The following INPP4A variants were observed in gnomAD, a reference collection of about 807,000 sequenced individuals.
INPP4A encodes the protein inositol polyphosphate-4-phosphatase, type I, 107kD.
A neutral mutation model predicts 119.8 loss-of-function variants in INPP4A; 33 were observed. The observed-to-expected ratio is 0.28, with a 90% CI of 0.21 to 0.37. The LOEUF is 0.37. INPP4A is among the 10% of genes least tolerant of loss of function. The pLI is 1.00. For synonymous variants in INPP4A, 496 were observed against 500.7 expected, an observed-to-expected ratio of 0.99 and a Z score of 0.12; for missense variants, 956 against 1,289.9, an observed-to-expected ratio of 0.74 and a Z score of 3.97.
At chr2:98,587,336 G>C in intron 24 of INPP4A, 140 bp from the exon 25 acceptor site, 1 of 857,192 alleles carries the variant, frequency 1.2e-6, no homozygotes, top group Non-Finnish European at 1.7e-6. Context: ...ATATGTATTT[G>C]TTGTAAATGA....
intron 1 of INPP4A, among the ~76,000 whole-genome samples, chr2:98,508,619 T>C (rs1386204899): frequency 2.6e-5 from 4 of 152,160 alleles, no homozygotes; most frequent in Admixed American, 2.0e-4. Flanking sequence ...CATACACTTA[T>C]TCAGAAATTT....
intron 21 of INPP4A, among the ~76,000 whole-genome samples, chr2:98,568,239 A>C (rs1173830716): frequency 6.6e-6 from 1 of 152,054 alleles, no homozygotes; most frequent in African/African-American, 2.4e-5. Flanking sequence ...CCCCCTCCTA[A>C]GTGCCTCAGA....
chr2:98,538,243 G>GCCCT (rs1458582872), intron 8 of INPP4A, among the ~76,000 whole-genome samples: 1 of 152,228 alleles, frequency 6.6e-6, no homozygotes, highest in Non-Finnish European at 1.5e-5. Flanking sequence ...GTGGGAAAGA[G>GCCCT]CCCTACTGGA....
rs1413047925 is a variant in INPP4A at position 98,563,610 on chromosome 2, C to G, written c.2001C>G (p.Tyr667Ter). ...PTIATYLSLQ[Y>*]RRDVVFCQTL... ...TAGCCACCTACCTGAGCCTGCAGTA[C>G]CGCCGTGACGTGGTCTTCTGCCAGA... The change falls in exon 18 of 25, where the codon TAC becomes TAG. Residue 667 changes from tyrosine (Y) to a stop codon, truncating the protein, a stop_gained. Transcript: ENST00000409851. LOFTEE classifies it high-confidence loss of function. 1 of 1,613,188 alleles carries G rather than the reference C, an allele frequency of 6.2e-7. No individual in the cohort carries two copies.
chr2:98,500,868 T>C (rs1423137856), intron 1 of INPP4A, among the ~76,000 whole-genome samples: 1 of 152,238 alleles, frequency 6.6e-6, no homozygotes, highest in Non-Finnish European at 1.5e-5. Flanking sequence ...TTCAGGAACC[T>C]GACTCTAGTT....
intron 4 of INPP4A, among the ~76,000 whole-genome samples, chr2:98,531,802 A>G (rs1452412558): frequency 6.6e-6 from 1 of 152,248 alleles, no homozygotes; most frequent in Non-Finnish European, 1.5e-5. Context: ...CACCACACTT[A>G]CAGTATAAAC....
Position 98,572,858 on chromosome 2 carries a change from G to T in INPP4A, c.2562G>T (p.Leu854=), listed in dbSNP as rs754102667. The change falls in exon 23 of 25, where the codon CTG becomes CTT. Residue 854 remains leucine, a synonymous_variant. Transcript: ENST00000409851. ...SRSQTCLPEL[L]RFLGQNVHAR... ...GTCAGACGTGCCTGCCAGAGCTGCTGCGGTTTCTGGGTCAGAACGTGCATG... is the reference window on the plus strand; with the variant it reads ...GTCAGACGTGCCTGCCAGAGCTGCTTCGGTTTCTGGGTCAGAACGTGCATG... 2 of 1,576,402 alleles carry T rather than the reference G, an allele frequency of 1.3e-6. No homozygotes were observed. The highest frequency in any genetic ancestry group is 3.6e-5 in the Admixed American group (2 of 55,118).
rs140232316 is a variant in INPP4A, at chr2:98,557,886, G to A, written c.1823-1577G>A. Among the ~76,000 whole-genome samples the A allele has an allele frequency of 5.2e-3, 764 of 147,104 alleles. 12 individuals carry two copies. Among genetic ancestry groups the A allele is most frequent in the African/African-American group, 0.018 (729 of 39,644 alleles). The stretch of plus-strand genomic sequence containing the variant: ...CCGCCTGCCAAGGTGCACCACTATC[G>A]CCCCACCAGGATTTGGTGGCTTCCA... On this transcript the variant is annotated intron_variant, in intron 16 of 24. Coordinates refer to ENST00000409851, the MANE Select transcript of INPP4A (RefSeq NM_001134225.2).
intron 1 of INPP4A, among the ~76,000 whole-genome samples, chr2:98,485,400 G>T (rs1679330790): frequency 6.6e-6 from 1 of 152,248 alleles, no homozygotes; most frequent in South Asian, 2.1e-4. Flanking sequence ...TTTAGTTAAG[G>T]TATCTGTGGG....
intron 13 of INPP4A, chr2:98,549,115 C>A: frequency 1.5e-6 from 1 of 648,958 alleles, no homozygotes; most frequent in Non-Finnish European, 2.6e-6. Flanking sequence ...ACAGTCCTCC[C>A]TTCCAACTGC....
intron 1 of INPP4A, among the ~76,000 whole-genome samples, chr2:98,479,063 G>A (rs773619112): frequency 2.6e-5 from 4 of 152,074 alleles, no homozygotes; most frequent in Non-Finnish European, 4.4e-5. Flanking sequence ...ACTTCCTCCC[G>A]GCTCCTGGGT....
chr2:98,566,760 C>T lies in INPP4A; in HGVS notation c.2420+591C>T, dbSNP rs562093959. On this transcript the variant is annotated intron_variant, in intron 21 of 24. Transcript: ENST00000409851. The surrounding 1 kb of genome is among the most constrained non-coding windows in gnomAD (Gnocchi z 4.2). The stretch of plus-strand genomic sequence containing the variant: ...GGAGTTGTGTGTGCCTGTGTGTGCA[C>T]GTGTGCCTGTGTGCGCACATGTGTG... 1.3e-5 allele frequency among the ~76,000 whole-genome samples: 2 copies of T among 152,162 alleles called. No homozygotes were observed. Among genetic ancestry groups the T allele is most frequent in the South Asian group, 2.1e-4 (1 of 4,818 alleles).
chr2:98,445,871 G>C (rs915747478), intron 1 of INPP4A, among the ~76,000 whole-genome samples: 1 of 152,212 alleles, frequency 6.6e-6, no homozygotes, highest in Admixed American at 6.5e-5. Flanking sequence ...ATATGTGGTA[G>C]AGCCCATCTT....
Position 98,559,553 on chromosome 2 carries a change from T to C in INPP4A, c.1855+58T>C. On this transcript the variant is annotated intron_variant, in intron 17 of 24. Transcript: ENST00000409851. ...GCCCTTTTAATTGATACTCAGGTAGTGTTTTGTAGCTAAATTACAAAAGAT... is the reference window on the plus strand; with the variant it reads ...GCCCTTTTAATTGATACTCAGGTAGCGTTTTGTAGCTAAATTACAAAAGAT... 2.6e-6 allele frequency: 4 copies of C among 1,536,146 alleles called. No homozygotes were observed. The South Asian group carries it at 3.5e-5, about 13-fold the overall frequency.
intron 17 of INPP4A, among the ~76,000 whole-genome samples, chr2:98,562,869 G>A (rs1435141233): frequency 6.6e-6 from 1 of 152,070 alleles, no homozygotes; most frequent in Non-Finnish European, 1.5e-5. Flanking sequence ...GGGTGGGGAA[G>A]GAAGTGAGTG....
intron 1 of INPP4A, among the ~76,000 whole-genome samples, chr2:98,496,997 C>T (rs1682114502): frequency 6.6e-6 from 1 of 152,138 alleles, no homozygotes; most frequent in Non-Finnish European, 1.5e-5. Flanking sequence ...AGCTCTTTTC[C>T]ACCCTACTCT....
intron 24 of INPP4A, among the ~76,000 whole-genome samples, chr2:98,580,299 G>A (rs1699107925): frequency 6.6e-6 from 1 of 152,192 alleles, no homozygotes; most frequent in Non-Finnish European, 1.5e-5. Context: ...TTCTCCTGGA[G>A]GCCCAGGGTG....
At chr2:98,567,654 GA>G (rs1431463624) in intron 21 of INPP4A, among the ~76,000 whole-genome samples, 1 of 152,228 alleles carries the variant, frequency 6.6e-6, no homozygotes, top group East Asian at 1.9e-4. Flanking sequence ...TGAGGACAGA[GA>G]GGACTTGCAA....
intron 22 of INPP4A, among the ~76,000 whole-genome samples, chr2:98,571,216 C>T (rs1022139258): frequency 2.0e-5 from 3 of 152,202 alleles, no homozygotes; most frequent in Non-Finnish European, 2.9e-5. Context: ...CTAATCTGAT[C>T]CCCACAGCAG....
Sources: allele counts gnomAD v4.1 joint callset (sites outside exome capture counted in the v4.1 genomes callset), GRCh38; gene constraint gnomAD v4.1.1; non-coding constraint Gnocchi (gnomAD v3.1); transcripts MANE v1.5; gene names NCBI Gene and HGNC (gene_info 2026-07-23, HGNC 2026-07-21).